Variants in PCLO observed in about 807,000 individuals in gnomAD.
PCLO encodes the protein protein piccolo.
PCLO carries 82 observed loss-of-function variants against 427.5 expected under a neutral mutation model. The ratio of observed to expected loss-of-function variants is 0.19; its 90% CI spans 0.16 to 0.23. The LOEUF is 0.23. PCLO is among the 10% of genes least tolerant of loss of function. The pLI, the probability that PCLO is intolerant of heterozygous loss-of-function variation, is 1.00. For missense variants in PCLO, 6,239 were observed against 6,115.9 expected, an observed-to-expected ratio of 1.02 and a Z score of -0.67; for synonymous variants, 2,357 against 2,155.4, an observed-to-expected ratio of 1.09 and a Z score of -2.59.
At chr7:82,811,577 A>G (rs564049127) in intron 20 of PCLO, among the ~76,000 whole-genome samples, 1 of 151,740 alleles carries the variant, frequency 6.6e-6, no homozygotes, top group South Asian at 2.1e-4. Flanking sequence ...ATCACACTTC[A>G]TGTATGTTTT....
At chr7:82,837,437 T>C (rs969929298) in intron 15 of PCLO, among the ~76,000 whole-genome samples, 1 of 152,096 alleles carries the variant, frequency 6.6e-6, no homozygotes, top group Non-Finnish European at 1.5e-5. Context: ...CTTTTTATTT[T>C]ACCTCCATTT....
At chr7:83,016,867 C>CA (rs1788221698) in intron 3 of PCLO, among the ~76,000 whole-genome samples, 2 of 152,144 alleles carry the variant, frequency 1.3e-5, no homozygotes. Context: ...TTAGGCTGTG[C>CA]AAAAAACTAG....
intron 3 of PCLO, among the ~76,000 whole-genome samples, chr7:82,973,978 C>T (rs556076085): frequency 4.6e-5 from 7 of 152,176 alleles, no homozygotes; most frequent in Admixed American, 1.3e-4. Flanking sequence ...GTTTTCAATA[C>T]TATTACATAA....
At chr7:83,107,141 T>C (rs1210901574) in intron 3 of PCLO, among the ~76,000 whole-genome samples, 3 of 152,196 alleles carry the variant, frequency 2.0e-5, no homozygotes, top group Non-Finnish European at 4.4e-5. Context: ...AGGGTGTTGG[T>C]GTACAAATTA....
intron 3 of PCLO, among the ~76,000 whole-genome samples, chr7:83,052,693 A>G (rs1789284111): frequency 6.6e-6 from 1 of 151,910 alleles, no homozygotes; most frequent in African/African-American, 2.4e-5. Context: ...CTGTGCCTCT[A>G]CCTCGTTGGT....
chr7:83,053,307 C>T (rs1218379126), intron 3 of PCLO, among the ~76,000 whole-genome samples: 1 of 151,976 alleles, frequency 6.6e-6, no homozygotes, highest in Non-Finnish European at 1.5e-5. Context: ...TTCTGTACCA[C>T]TCCAGCTAAC....
At position 82,832,843 on chromosome 7, in the gene PCLO, ACG is replaced by A. The variant is rs1491057887; in HGVS notation, c.14249+2822_14249+2823del. 5.3e-4 allele frequency among the ~76,000 whole-genome samples: 76 copies of A among 143,092 alleles called. 1 individual carries two copies. The highest frequency in any genetic ancestry group is 1.8e-3 in the African/African-American group (73 of 39,674). 93.9% of individuals were successfully genotyped at this position (143,092 alleles called of 152,430 possible). ...CACACACACACACACACACACACACACGTTTTTCAAAATTACTCCTCTGAGGT... is the reference window on the plus strand; with the variant it reads ...CACACACACACACACACACACACACATTTTTCAAAATTACTCCTCTGAGGT... On this transcript the variant is annotated intron_variant, in intron 16 of 24. Transcript: ENST00000333891.
At chr7:82,907,332 G>T (rs1462271827) in intron 8 of PCLO, among the ~76,000 whole-genome samples, 1 of 151,808 alleles carries the variant, frequency 6.6e-6, no homozygotes, top group Non-Finnish European at 1.5e-5. Context: ...AGGTTTGTGG[G>T]AAACACTAAA....
intron 3 of PCLO, among the ~76,000 whole-genome samples, chr7:83,016,781 G>A (rs897825478): frequency 2.6e-5 from 4 of 152,020 alleles, no homozygotes; most frequent in South Asian, 2.1e-4. Flanking sequence ...AAGAATGGAC[G>A]CTGCGTACTG....
Position 83,062,682 on chromosome 7 carries a change from T to C in PCLO, c.3300+71568A>G, listed in dbSNP as rs1054879743. ...AACATCAACTGTCTTAAATTCAACT[T>C]CTACTTCTCTGTTTAAATCTGTGTA... On this transcript the variant is annotated intron_variant, in intron 3 of 24. Coordinates refer to ENST00000333891, the MANE Select transcript of PCLO (RefSeq NM_033026.6). Among the ~76,000 whole-genome samples, 4 of 152,226 alleles carry C rather than the reference T, an allele frequency of 2.6e-5. No individual in the cohort carries two copies. The East Asian group carries it at 7.7e-4, about 29-fold the overall frequency.
At chr7:82,854,687 G>A (rs995874139) in intron 10 of PCLO, among the ~76,000 whole-genome samples, 2 of 152,010 alleles carry the variant, frequency 1.3e-5, no homozygotes, top group African/African-American at 4.8e-5. Flanking sequence ...CAGGACTGTT[G>A]ACAAGAATTC....
At chr7:83,030,580 T>C (rs915375707) in intron 3 of PCLO, among the ~76,000 whole-genome samples, 1 of 152,154 alleles carries the variant, frequency 6.6e-6, no homozygotes, top group Non-Finnish European at 1.5e-5. Flanking sequence ...GGGCTGGAAT[T>C]ACAGTGATGA....
At chr7:83,044,485 A>C (rs963515352) in intron 3 of PCLO, among the ~76,000 whole-genome samples, 3 of 152,206 alleles carry the variant, frequency 2.0e-5, no homozygotes, top group African/African-American at 7.2e-5. Flanking sequence ...GTTAAAATTT[A>C]ACAAGAATTA....
chr7:82,951,118 G>C lies in PCLO; in HGVS notation c.9470C>G (p.Thr3157Ser), dbSNP rs962797311. ...CAAACTGGCACTGATATCAATACCA[G>C]TTACTGCAATGTCCGTTTCAGATGC... is the stretch of plus-strand genomic sequence containing the variant. ...TGASETDIAV[T>S]GIDISASLQT... The change falls in exon 6 of 25, where the codon ACT becomes AGT. Residue 3157 changes from threonine to serine, a missense_variant. By Grantham distance (58) the Thr-to-Ser change is moderately conservative. Coordinates refer to ENST00000333891, the MANE Select transcript of PCLO (RefSeq NM_033026.6). The C allele has an allele frequency of 1.2e-6, 2 of 1,613,622 alleles. No individual in the cohort carries two copies. Among genetic ancestry groups the C allele is most frequent in the African/African-American group, 2.7e-5 (2 of 74,900 alleles).
intron 3 of PCLO, among the ~76,000 whole-genome samples, chr7:83,120,895 G>A (rs1791260607): frequency 6.6e-6 from 1 of 152,100 alleles, no homozygotes; most frequent in Non-Finnish European, 1.5e-5. Context: ...ATTGTCTGAA[G>A]GCACAAAACT....
Position 82,891,741 on chromosome 7 carries a change from A to G in PCLO, c.13528+10910T>C, listed in dbSNP as rs1445975380. Among the ~76,000 whole-genome samples the G allele has an allele frequency of 2.0e-5, 3 of 152,074 alleles. No individual in the cohort carries two copies. The East Asian group carries it at 5.8e-4, about 29-fold the overall frequency. On this transcript the variant is annotated intron_variant, in intron 9 of 24. Transcript: ENST00000333891. The stretch of plus-strand genomic sequence containing the variant: ...ACCTAATTTATTGAGAGTTTTTATC[A>G]TGAAGCGCTGTTGAATTTTGTCAAA...
At position 82,951,201 on chromosome 7, in the gene PCLO, T is replaced by C. The variant is rs776093952; in HGVS notation, c.9387A>G (p.Ser3129=). The change falls in exon 6 of 25, where the codon TCA becomes TCG. Residue 3129 remains serine, a synonymous_variant. Transcript: ENST00000333891. ...GCTGGCTATGGTGCATGGCAGGTAA[T>C]GAAGTCACTGCATCAGCCGTATGAA... ...SGIHTADAVT[S]LPAMHHSQPM... 36 of 1,613,556 alleles carry C rather than the reference T, an allele frequency of 2.2e-5. No homozygotes were observed. The Admixed American group carries it at 3.8e-4, about 17-fold the overall frequency.
chr7:82,866,047 A>G (rs924603113), intron 10 of PCLO, among the ~76,000 whole-genome samples: 1 of 152,146 alleles, frequency 6.6e-6, no homozygotes, highest in Non-Finnish European at 1.5e-5. Context: ...GTGTTCACTC[A>G]GTTTCAGCCA....
intron 20 of PCLO, among the ~76,000 whole-genome samples, chr7:82,813,314 A>G (rs754199959): frequency 1.3e-5 from 2 of 151,718 alleles, no homozygotes; most frequent in Non-Finnish European, 3.0e-5. Flanking sequence ...TATAACAATC[A>G]TTTCATCAAT....
Sources: gnomAD v4.1 joint callset for allele counts (sites outside exome capture counted in the v4.1 genomes callset) on GRCh38, gnomAD v4.1.1 for gene constraint, MANE v1.5 for transcripts, NCBI Gene and HGNC (gene_info 2026-07-23, HGNC 2026-07-21) for gene names.